MAP3K13: variants seen among roughly 807,000 people sequenced by gnomAD.
MAP3K13 encodes mitogen-activated protein kinase kinase kinase 13, also known as leucine zipper-bearing kinase.
A neutral mutation model predicts 104.0 loss-of-function variants in MAP3K13; 52 were observed. The ratio of observed to expected loss-of-function variants is 0.50; its 90% confidence interval spans 0.40 to 0.63. MAP3K13 has a LOEUF of 0.63. MAP3K13 is among the 20% of genes least tolerant of loss of function. The pLI, the probability that MAP3K13 is intolerant of heterozygous loss-of-function variation, is 0.00. For synonymous variants in MAP3K13, 394 were observed against 442.2 expected, an observed-to-expected ratio of 0.89 and a Z score of 1.37; for missense variants, 914 against 1,218.5, an observed-to-expected ratio of 0.75 and a Z score of 3.72.
intron 1 of MAP3K13, among the ~76,000 whole-genome samples, chr3:185,283,651 TGTTA>T (rs1232327539): frequency 2.6e-5 from 4 of 152,168 alleles, no homozygotes; most frequent in African/African-American, 9.7e-5. Context: ...TGTTGGTTTT[TGTTA>T]GTTTTGTTTT....
chr3:185,298,134 T>A (rs1560038150), intron 2 of MAP3K13, among the ~76,000 whole-genome samples: 1 of 152,240 alleles, frequency 6.6e-6, no homozygotes, highest in African/African-American at 2.4e-5. Context: ...AATATTTAGC[T>A]AAATGGTGTT....
At chr3:185,471,452 T>A (rs1051767845) in intron 10 of MAP3K13, among the ~76,000 whole-genome samples, 1 of 31,282 alleles carries the variant, frequency 3.2e-5, no homozygotes, top group African/African-American at 8.8e-5. Flanking sequence ...CGACCTTTAC[T>A]TTTTTTTTTT....
At chr3:185,346,987 G>GTTT (rs201877429) in intron 2 of MAP3K13, among the ~76,000 whole-genome samples, 12,603 of 127,518 alleles carry the variant, frequency 0.099, 1,054 homozygotes, top group East Asian at 0.21. Flanking sequence ...CACAAAGGAA[G>GTTT]TTTTTTTTTT....
intron 2 of MAP3K13, among the ~76,000 whole-genome samples, chr3:185,320,073 A>T (rs1266298679): frequency 7.0e-6 from 1 of 143,198 alleles, no homozygotes; most frequent in East Asian, 2.0e-4. Context: ...ACTATTTGCT[A>T]TGTAAGTAAC....
In MAP3K13 at chr3:185,428,603, C is replaced by T. The variant is rs1296252849; in HGVS notation, c.22C>T (p.Leu8=). The T allele has an allele frequency of 6.2e-7, 1 of 1,601,084 alleles. No individual in the cohort carries two copies. Among genetic ancestry groups the T allele is most frequent in the Admixed American group, 1.7e-5 (1 of 59,178 alleles). Residue 8 remains leucine, a synonymous_variant, in exon 2 of 14, where the codon CTG becomes TTG. Coordinates refer to ENST00000265026, the MANE Select transcript of MAP3K13 (RefSeq NM_004721.5). The stretch of plus-strand genomic sequence containing the variant: ...CACGATGGCCAACTTTCAGGAGCAC[C>T]TGAGCTGCTCCTCTTCTCCACACTT... MANFQEH[L]SCSSSPHLPF... is the part of the protein sequence containing the mutation.
chr3:185,339,461 T>G (rs1722637811), intron 2 of MAP3K13, among the ~76,000 whole-genome samples: 1 of 152,228 alleles, frequency 6.6e-6, no homozygotes, highest in Non-Finnish European at 1.5e-5. Context: ...ATGAAATTTT[T>G]GGGCTCCACC....
upstream of MAP3K13, among the ~76,000 whole-genome samples, chr3:185,359,308 G>T (rs181492949): frequency 6.6e-6 from 1 of 152,226 alleles, no homozygotes; most frequent in African/African-American, 2.4e-5. Flanking sequence ...CTGCCCCCAT[G>T]ATTCAATTAC....
At chr3:185,366,566 G>A (rs560485833) in intron 1 of MAP3K13, among the ~76,000 whole-genome samples, 1 of 152,122 alleles carries the variant, frequency 6.6e-6, no homozygotes, top group East Asian at 1.9e-4. Context: ...AATGTATGAG[G>A]GTCCAGTTTC....
chr3:185,325,185 TC>T (rs1464231530), intron 2 of MAP3K13, among the ~76,000 whole-genome samples: 3 of 152,176 alleles, frequency 2.0e-5, no homozygotes, highest in Non-Finnish European at 4.4e-5. Context: ...TTCAAAATGA[TC>T]TTAATAATTT....
At chr3:185,329,494 G>A (rs1164807836) in intron 2 of MAP3K13, among the ~76,000 whole-genome samples, 1 of 152,216 alleles carries the variant, frequency 6.6e-6, no homozygotes, top group Non-Finnish European at 1.5e-5. Context: ...AAGAGCAGCA[G>A]AATGTATTTT....
intron 1 of MAP3K13, among the ~76,000 whole-genome samples, chr3:185,397,210 C>T (rs906987325): frequency 2.0e-5 from 3 of 152,226 alleles, no homozygotes; most frequent in African/African-American, 4.8e-5. Context: ...GAGAGCTAAT[C>T]AATTGTGAGA....
At chr3:185,408,650 A>G (rs913286674) in intron 1 of MAP3K13, among the ~76,000 whole-genome samples, 2 of 152,210 alleles carry the variant, frequency 1.3e-5, no homozygotes, top group African/African-American at 2.4e-5. Context: ...TCCTGTATAC[A>G]AGTGAGGCAA....
At chr3:185,468,098 C>T (rs1319236705) in intron 10 of MAP3K13, among the ~76,000 whole-genome samples, 3 of 151,966 alleles carry the variant, frequency 2.0e-5, no homozygotes, top group Non-Finnish European at 4.4e-5. Flanking sequence ...TGAGAAACTG[C>T]CCCCATGATC....
chr3:185,449,633 T>A (rs760469078), intron 5 of MAP3K13, among the ~76,000 whole-genome samples: 4 of 152,148 alleles, frequency 2.6e-5, no homozygotes, highest in Non-Finnish European at 5.9e-5. Flanking sequence ...GGTTTATTTC[T>A]GGATTTCTTG....
At chr3:185,311,604 A>C (rs766932141) in intron 2 of MAP3K13, among the ~76,000 whole-genome samples, 11 of 152,186 alleles carry the variant, frequency 7.2e-5, no homozygotes, top group Non-Finnish European at 1.3e-4. Context: ...GGAGGTCCTC[A>C]GGCTCATCAA....
chr3:185,441,432 T>C (rs951481823), intron 3 of MAP3K13, among the ~76,000 whole-genome samples: 3 of 152,160 alleles, frequency 2.0e-5, no homozygotes, highest in Non-Finnish European at 4.4e-5. Flanking sequence ...TGAAGACCTT[T>C]CCCTTCAAGG....
At chr3:185,463,702 C>A in intron 8 of MAP3K13, 43 bp downstream of exon 8, 1 of 1,182,308 alleles carries the variant, frequency 8.5e-7, no homozygotes, top group Non-Finnish European at 1.3e-6. Flanking sequence ...ATCCCCAGGT[C>A]TTCAGATGTT....
chr3:185,295,868 C>G (rs1720903262), intron 2 of MAP3K13, among the ~76,000 whole-genome samples: 1 of 152,142 alleles, frequency 6.6e-6, no homozygotes, highest in East Asian at 1.9e-4. Flanking sequence ...TATTTGTCAA[C>G]TGATTCTTCC....
chr3:185,330,024 C>T (rs931864168), intron 2 of MAP3K13, among the ~76,000 whole-genome samples: 6 of 140,404 alleles, frequency 4.3e-5, no homozygotes, highest in Non-Finnish European at 7.5e-5. Context: ...GGATTATAGG[C>T]GCCCGCCACC....
Sources: allele counts gnomAD v4.1 joint callset (sites outside exome capture counted in the v4.1 genomes callset), GRCh38; gene constraint gnomAD v4.1.1; transcripts MANE v1.5; gene names NCBI Gene and HGNC (gene_info 2026-07-23, HGNC 2026-07-21).